Variants in STK3 observed in about 807,000 individuals in gnomAD.
STK3 encodes serine/threonine kinase 3, also known as serine/threonine-protein kinase 3.
STK3 carries 41 observed loss-of-function variants against 58.0 expected under a neutral mutation model. That is an observed-to-expected ratio of 0.71 (90% CI 0.55 to 0.92). STK3 has a LOEUF of 0.92. Ranked by LOEUF, STK3 falls within the 40% of genes least tolerant of loss-of-function variation. STK3 has a pLI of 0.00. For synonymous variants in STK3, 170 were observed against 191.0 expected, an observed-to-expected ratio of 0.89 and a Z score of 0.91; for missense variants, 479 against 602.7, an observed-to-expected ratio of 0.79 and a Z score of 2.15.
chr8:98,575,802 A>G (rs918958928), intron 8 of STK3, among the ~76,000 whole-genome samples: 110 of 152,236 alleles, frequency 7.2e-4, no homozygotes, highest in African/African-American at 2.6e-3. Flanking sequence ...GACCCTTATC[A>G]GAAGCATAAT....
chr8:98,597,012 T>C (rs987314499), intron 6 of STK3, among the ~76,000 whole-genome samples: 3 of 151,940 alleles, frequency 2.0e-5, no homozygotes, highest in Admixed American at 2.0e-4. Context: ...AGGAATGAAA[T>C]GGAAGAAATG....
At chr8:98,413,053 A>G in intron 3 of STK3, 1 of 233,442 alleles carries the variant, frequency 4.3e-6, no homozygotes. Flanking sequence ...TCACTCTGTC[A>G]CCCAGGTTGG....
At chr8:98,664,377 C>T (rs1822182566) in intron 6 of STK3, among the ~76,000 whole-genome samples, 1 of 152,216 alleles carries the variant, frequency 6.6e-6, no homozygotes. Context: ...ATGGCAATCA[C>T]AGTTCCTATC....
At chr8:98,682,750 G>A (rs959165837) in intron 6 of STK3, among the ~76,000 whole-genome samples, 5 of 151,676 alleles carry the variant, frequency 3.3e-5, no homozygotes, top group African/African-American at 9.7e-5. Context: ...AATATCAATC[G>A]ACACATAATT....
At position 98,455,838 on chromosome 8, in the gene STK3, A is replaced by G; in HGVS notation, c.*4T>C. ...AATAGTTAAAAACAGAGAGGAAATT[A>G]GACTCAAAAGTTTTGCTGCCTTCTT... On this transcript the variant is annotated 3_prime_UTR_variant, in exon 11 of 11. Coordinates refer to ENST00000419617, the MANE Select transcript of STK3 (RefSeq NM_006281.4). The G allele has an allele frequency of 6.2e-7, 1 of 1,613,452 alleles. No individual in the cohort carries two copies. The highest frequency in any genetic ancestry group is 8.5e-7 in the Non-Finnish European group (1 of 1,179,690).
chr8:98,495,063 A>G (rs1168976000), intron 10 of STK3, among the ~76,000 whole-genome samples: 5 of 152,232 alleles, frequency 3.3e-5, no homozygotes. Flanking sequence ...TCCAGAAGAA[A>G]AAATCCATCC....
intron 1 of STK3, among the ~76,000 whole-genome samples, chr8:98,930,715 G>A (rs1322309485): frequency 2.0e-5 from 3 of 152,130 alleles, no homozygotes; most frequent in Non-Finnish European, 2.9e-5. Context: ...TCTGGCAGCC[G>A]GTTCACTGTT....
intron 7 of STK3, among the ~76,000 whole-genome samples, chr8:98,592,574 A>G (rs1053790491): frequency 1.3e-5 from 2 of 151,866 alleles, no homozygotes; most frequent in Non-Finnish European, 2.9e-5. Flanking sequence ...TTTGTCAAAA[A>G]TGTTTAGAGT....
chr8:98,716,004 CCAT>C, intron 4 of STK3, among the ~76,000 whole-genome samples: 1 of 152,070 alleles, frequency 6.6e-6, no homozygotes, highest in East Asian at 1.9e-4. Flanking sequence ...AAGCTGGAAA[CCAT>C]CATTCTCAGC....
intron 6 of STK3, among the ~76,000 whole-genome samples, chr8:98,685,717 G>A (rs140967940): frequency 6.8e-4 from 103 of 151,812 alleles, no homozygotes; most frequent in African/African-American, 2.1e-3. Flanking sequence ...GTGAAAGTAC[G>A]GTTAATAGAA....
chr8:98,434,609 C>G (rs909719326), intron 2 of STK3, among the ~76,000 whole-genome samples: 6 of 152,136 alleles, frequency 3.9e-5, no homozygotes, highest in African/African-American at 1.4e-4. Context: ...TTCTCCCAAG[C>G]AAATGACTGC....
chr8:98,782,257 G>T, intron 1 of STK3: 1 of 171,692 alleles, frequency 5.8e-6, no homozygotes, highest in Non-Finnish European at 1.2e-5. Context: ...TGCCAGAAGG[G>T]CAGGTACATG....
At chr8:98,541,408 G>A (rs184529545) in intron 9 of STK3, among the ~76,000 whole-genome samples, 9 of 152,182 alleles carry the variant, frequency 5.9e-5, no homozygotes, top group Admixed American at 2.6e-4. Context: ...GGACGTGCCA[G>A]CTTCCCCGTC....
chr8:98,759,831 A>G (rs964907348), intron 3 of STK3, among the ~76,000 whole-genome samples: 39 of 152,146 alleles, frequency 2.6e-4, no homozygotes, highest in African/African-American at 9.4e-4. Flanking sequence ...CTCAATATCC[A>G]TGGCGAACTG....
At chr8:98,454,580 GGAAAAT>G (rs1819357676), downstream of STK3, 1 of 152,394 alleles carries the variant, frequency 6.6e-6, no homozygotes, top group Non-Finnish European at 1.5e-5. Flanking sequence ...TCCCTTGCTT[GGAAAAT>G]GCAGAGTCCA....
intron 3 of STK3, among the ~76,000 whole-genome samples, chr8:98,868,217 C>T (rs1000170949): frequency 6.6e-6 from 1 of 152,172 alleles, no homozygotes; most frequent in African/African-American, 2.4e-5. Context: ...AAACAAAATA[C>T]CTTTTACTGA....
intron 3 of STK3, among the ~76,000 whole-genome samples, chr8:98,766,879 T>C (rs924695473): frequency 6.6e-6 from 1 of 152,148 alleles, no homozygotes; most frequent in Non-Finnish European, 1.5e-5. Context: ...TCCCAGCACT[T>C]TGGGAGGCCA....
rs546052360 is a variant in STK3, at chr8:98,423,031, C to T, written n.483+11096G>A. ...AGCTGATCAGTTGCTCAGGAGAGCACCCCAGAGCCTGGGGGCTCCAGACCA... is the reference window on the plus strand; with the variant it reads ...AGCTGATCAGTTGCTCAGGAGAGCATCCCAGAGCCTGGGGGCTCCAGACCA... On this transcript the variant is annotated intron_variant and non_coding_transcript_variant, in intron 3 of 3. Coordinates refer to the STK3 transcript ENST00000517832. 3.2e-4 allele frequency among the ~76,000 whole-genome samples: 48 copies of T among 152,266 alleles called. 1 individual carries two copies. In the South Asian group the frequency reaches 9.8e-3, roughly 31 times the overall value.
At chr8:98,503,736 T>C (rs1823815940) in intron 10 of STK3, among the ~76,000 whole-genome samples, 1 of 152,210 alleles carries the variant, frequency 6.6e-6, no homozygotes, top group Non-Finnish European at 1.5e-5. Context: ...TAATCCTGAG[T>C]TCTAGTCTGA....
Sources: gnomAD v4.1 joint callset for allele counts (sites outside exome capture counted in the v4.1 genomes callset) on GRCh38, gnomAD v4.1.1 for gene constraint, MANE v1.5 for transcripts, NCBI Gene and HGNC (gene_info 2026-07-23, HGNC 2026-07-21) for gene names.